Variants in MTSS2 observed in about 807,000 individuals in gnomAD.
MTSS2 encodes the protein protein MTSS 2.
MTSS2 carries 27 observed loss-of-function variants against 67.1 expected under a neutral mutation model. The observed-to-expected ratio is 0.40, with a 90% confidence interval of 0.30 to 0.55. The LOEUF is 0.55. Among genes scored for constraint, MTSS2 ranks in the 20% least tolerant of loss-of-function variants. The pLI, the probability that MTSS2 is intolerant of heterozygous loss-of-function variation, is 0.43. For synonymous variants in MTSS2, 624 were observed against 468.6 expected, an observed-to-expected ratio of 1.33 and a Z score of -4.28; for missense variants, 1,171 against 1,067.8, an observed-to-expected ratio of 1.10 and a Z score of -1.35.
intron 3 of MTSS2, 75 bp downstream of exon 3, chr16:70,680,719 C>T: frequency 7.5e-7 from 1 of 1,325,900 alleles, no homozygotes; most frequent in Non-Finnish European, 1.1e-6. Context: ...TTCCCTGGCC[C>T]ATCCCCTACT....
chr16:70,679,889 G>T lies in MTSS2; in HGVS notation c.291-12C>A. ...TCTCCAGCAGTGCGCTGCGGAGGGCGGGCGGGAGCGCAGGTCAGGGCCGGG... is the reference window on the plus strand; with the variant it reads ...TCTCCAGCAGTGCGCTGCGGAGGGCTGGCGGGAGCGCAGGTCAGGGCCGGG... On this transcript the variant is annotated splice_polypyrimidine_tract_variant and intron_variant, in intron 4 of 14. Transcript: ENST00000338779. The T allele has an allele frequency of 1.9e-6, 3 of 1,587,914 alleles. No homozygotes were observed. Among genetic ancestry groups the T allele is most frequent in the Non-Finnish European group, 2.6e-6 (3 of 1,174,258 alleles).
chr16:70,685,207 TG>T (rs1296847231), intron 1 of MTSS2, among the ~76,000 whole-genome samples: 1 of 72,478 alleles, frequency 1.4e-5, no homozygotes, highest in Non-Finnish European at 2.8e-5. Context: ...GCTGTGGGGG[TG>T]GGGCGGGGCT....
chr16:70,662,269 C>G lies in MTSS2; in HGVS notation c.*1408G>C, dbSNP rs2052510823. 6.6e-6 allele frequency: 1 copy of G among 152,410 alleles called. No homozygotes were observed. Among genetic ancestry groups the G allele is most frequent in the Non-Finnish European group, 1.5e-5 (1 of 68,228 alleles). 9.4% of individuals were successfully genotyped at this position (152,410 alleles called of 1,614,324 possible). ...CCCTGCCCTGGGGCCACGATGCCCT[C>G]TGAGCCCTGCTTTCCCTCCTGACCT... On this transcript the variant is annotated 3_prime_UTR_variant, in exon 15 of 15. Coordinates refer to ENST00000338779, the MANE Select transcript of MTSS2 (RefSeq NM_138383.3).
chr16:70,664,489 G>C, intron 14 of MTSS2, 40 bp from the exon 15 acceptor site: 1 of 1,542,350 alleles, frequency 6.5e-7, no homozygotes, highest in Non-Finnish European at 8.8e-7. Flanking sequence ...GGCCCAGGTG[G>C]CCCCTTGCCC....
intron 11 of MTSS2, among the ~76,000 whole-genome samples, chr16:70,670,843 A>T (rs563558967): frequency 2.0e-4 from 31 of 151,888 alleles, no homozygotes; most frequent in African/African-American, 7.5e-4. Flanking sequence ...GATACTGCAC[A>T]CTCGTAGTCC....
chr16:70,663,813 G>C lies in MTSS2; in HGVS notation c.2108C>G (p.Pro703Arg). ...FPFPTALSAT[P>R]TEETPTPPPA... is the part of the protein sequence containing the mutation. ...GGGTGGGGTGGGCGTCTCCTCCGTG[G>C]GGGTGGCCGACAGAGCAGTGGGGAA... Residue 703 changes from proline (P) to arginine (R), a missense_variant, in exon 15 of 15, where the codon CCC (proline) becomes CGC (arginine). Transcript: ENST00000338779. The C allele has an allele frequency of 2.0e-6, 3 of 1,532,070 alleles. No individual in the cohort carries two copies. The highest frequency in any genetic ancestry group is 2.6e-6 in the Non-Finnish European group (3 of 1,142,348). The allele number at this position is 1,532,070 out of a possible 1,614,324, so 94.9% of individuals were successfully genotyped here.
Position 70,680,882 on chromosome 16 carries a change from A to G in MTSS2, c.132-15T>C. ...GCACGGTGGTCCTGGGGAGAGGGAC[A>G]ACGGCATGGATGGTCGGTGGTTGGG... On this transcript the variant is annotated splice_polypyrimidine_tract_variant and intron_variant, in intron 2 of 14. Transcript: ENST00000338779. 8.0e-7 allele frequency: 1 copy of G among 1,248,236 alleles called. No homozygotes were observed. 77.3% of individuals were successfully genotyped at this position (1,248,236 alleles called of 1,614,324 possible).
At position 70,663,541 on chromosome 16, in the gene MTSS2, C is replaced by G. The variant is rs1325760903; in HGVS notation, c.*136G>C. ...AAATGCTGGAATCCAAGTGAGGTGT[C>G]TTTCCATAAAGTGGCATGGCCTCTG... On this transcript the variant is annotated 3_prime_UTR_variant, in exon 15 of 15. Coordinates refer to ENST00000338779, the MANE Select transcript of MTSS2 (RefSeq NM_138383.3). The G allele has an allele frequency of 7.1e-6, 10 of 1,398,938 alleles. No individual in the cohort carries two copies. The highest frequency in any genetic ancestry group is 9.3e-6 in the Non-Finnish European group (10 of 1,070,124). The allele number at this position is 1,398,938 out of a possible 1,614,324, so 86.7% of individuals were successfully genotyped here. A position where few individuals can be genotyped will look rare whatever the true frequency, so the allele number is the denominator to read the frequency against.
chr16:70,666,374 C>T lies in MTSS2; in HGVS notation c.1054-834G>A, dbSNP rs114753420. 4.4e-3 allele frequency among the ~76,000 whole-genome samples: 667 copies of T among 152,220 alleles called. 8 individuals are homozygous for T. Among genetic ancestry groups the T allele is most frequent in the African/African-American group, 0.015 (637 of 41,516 alleles). ...GCAGTGGGCTGGACTAGGTGTTCTG[C>T]GAGGCCCCCCACTCCTAAACAACTA... On this transcript the variant is annotated intron_variant, in intron 11 of 14. Coordinates refer to ENST00000338779, the MANE Select transcript of MTSS2 (RefSeq NM_138383.3).
At chr16:70,680,709 T>A (rs1158379242) in intron 3 of MTSS2, 85 bp downstream of exon 3, 12 of 1,260,468 alleles carry the variant, frequency 9.5e-6, no homozygotes, top group East Asian at 7.6e-5. Context: ...GTCCCGTCCT[T>A]TCCCTGGCCC....
chr16:70,682,331 A>G (rs577797696), intron 1 of MTSS2, among the ~76,000 whole-genome samples: 1 of 152,210 alleles, frequency 6.6e-6, no homozygotes, highest in Non-Finnish European at 1.5e-5. Flanking sequence ...GACTCATGCC[A>G]CCTATGCCTG....
intron 1 of MTSS2, among the ~76,000 whole-genome samples, chr16:70,684,194 G>A (rs533471870): frequency 3.3e-5 from 5 of 152,148 alleles, no homozygotes; most frequent in African/African-American, 1.2e-4. Flanking sequence ...AGGCCCATCC[G>A]GAGCCAGCTC....
chr16:70,661,291 ATGG>A lies in MTSS2; in HGVS notation c.*2383_*2385del, dbSNP rs1399622113. 1 of 443,892 alleles carries A rather than the reference ATGG, an allele frequency of 2.3e-6. No homozygotes were observed. Among genetic ancestry groups the A allele is most frequent in the Non-Finnish European group, 4.5e-6 (1 of 223,798 alleles). The allele number at this position is 443,892 out of a possible 1,614,324, so 27.5% of individuals were successfully genotyped here. ...AGTGACTATATTTAAATCGGGGAGG[ATGG>A]TGTGGAGGGGGCGGGGAGGAGAGGA... On this transcript the variant is annotated 3_prime_UTR_variant, in exon 15 of 15. Coordinates refer to ENST00000338779, the MANE Select transcript of MTSS2 (RefSeq NM_138383.3).
rs71401823 is a variant in MTSS2 at position 70,661,304 on chromosome 16, G to A, written c.*2373C>T. ...AAATCGGGGAGGATGGTGTGGAGGG[G>A]GCGGGGAGGAGAGGAGAATTTTTCC... On this transcript the variant is annotated 3_prime_UTR_variant, in exon 15 of 15. Transcript: ENST00000338779. 6.6e-6 allele frequency: 3 copies of A among 455,188 alleles called. No homozygotes were observed. The highest frequency in any genetic ancestry group is 1.3e-5 in the Non-Finnish European group (3 of 226,690). The allele number at this position is 455,188 out of a possible 1,614,324, so 28.2% of individuals were successfully genotyped here. A position where few individuals can be genotyped will look rare whatever the true frequency, so the allele number is the denominator to read the frequency against.
At chr16:70,683,671 C>T (rs982899016) in intron 1 of MTSS2, among the ~76,000 whole-genome samples, 1 of 152,226 alleles carries the variant, frequency 6.6e-6, no homozygotes, top group Non-Finnish European at 1.5e-5. Context: ...AAGGTCAGGG[C>T]CTCCCAGAGG....
At chr16:70,680,703 C>G in intron 3 of MTSS2, 91 bp downstream of exon 3, 9 of 1,182,554 alleles carry the variant, frequency 7.6e-6, no homozygotes, top group South Asian at 1.4e-5. Context: ...CTTGGCGTCC[C>G]GTCCTTTCCC....
chr16:70,672,215 C>T (rs187919882), intron 11 of MTSS2, among the ~76,000 whole-genome samples: 12 of 152,044 alleles, frequency 7.9e-5, no homozygotes, highest in Middle Eastern at 6.8e-3. Context: ...GGCATGGTGG[C>T]GCATGCCTGT....
chr16:70,680,918 G>GGGGGCCCCCCCCCC, intron 2 of MTSS2, 46 bp downstream of exon 2: 1 of 1,097,918 alleles, frequency 9.1e-7, no homozygotes, highest in Non-Finnish European at 1.3e-6. Context: ...CGGGGGGGGG[G>GGGGGCCCCCCCCCC]CCTCTGCCTG....
At position 70,678,345 on chromosome 16, in the gene MTSS2, C is replaced by A. The variant is rs1465745959; in HGVS notation, c.531G>T (p.Leu177=). 16 of 1,613,014 alleles carry A rather than the reference C, an allele frequency of 9.9e-6. No homozygotes were observed. The highest frequency in any genetic ancestry group is 1.4e-5 in the Non-Finnish European group (16 of 1,179,992). The change falls in exon 8 of 15, where the codon CTG becomes CTT. Residue 177 remains leucine (L), a synonymous_variant. Coordinates refer to ENST00000338779, the MANE Select transcript of MTSS2 (RefSeq NM_138383.3). ...ALQDVNDMYL[L]LEETEKQAVR... ...CGGCCTGCTTCTCCGTCTCCTCCAG[C>A]AGCAGGTACATGTCGTTGACGTCCT...
Sources: gnomAD v4.1 joint callset for allele counts (sites outside exome capture counted in the v4.1 genomes callset) on GRCh38, gnomAD v4.1.1 for gene constraint, MANE v1.5 for transcripts, NCBI Gene and HGNC (gene_info 2026-07-23, HGNC 2026-07-21) for gene names.